SAMD5: variants seen among roughly 807,000 people sequenced by gnomAD.
The protein encoded by SAMD5 is sterile alpha motif domain-containing protein 5.
Under a neutral mutation model 11.3 loss-of-function variants are expected in SAMD5, and 13 were observed. That is an observed-to-expected ratio of 1.15 (90% confidence interval 0.75 to 1.83). SAMD5 has a LOEUF of 1.83. Ranked by LOEUF, SAMD5 falls within the 40% of genes most tolerant of loss-of-function variation. The pLI is 0.00. For missense variants in SAMD5, 255 were observed against 239.1 expected, an observed-to-expected ratio of 1.07 and a Z score of -0.44; for synonymous variants, 129 against 111.3, an observed-to-expected ratio of 1.16 and a Z score of -1.00.
intron 1 of SAMD5, among the ~76,000 whole-genome samples, chr6:147,727,329 TTTCTTATATCCC>T (rs1234083544): frequency 1.3e-5 from 2 of 152,216 alleles, no homozygotes; most frequent in African/African-American, 4.8e-5. Context: ...CCAAGGAGTC[TTTCTTATATCCC>T]TATATGCTCT....
At chr6:147,753,297 G>T in the SAMD5 span, among the ~76,000 whole-genome samples, 1 of 152,070 alleles carries the variant, frequency 6.6e-6, no homozygotes, top group South Asian at 2.1e-4. Flanking sequence ...CATGTCACAG[G>T]CATACATTGA....
chr6:147,949,276 A>G, the SAMD5 span, among the ~76,000 whole-genome samples: 1 of 151,478 alleles, frequency 6.6e-6, no homozygotes, highest in East Asian at 1.9e-4. Flanking sequence ...TGATGGGGGA[A>G]AAAACCCAAG....
chr6:147,776,492 A>G, the SAMD5 span, among the ~76,000 whole-genome samples: 1 of 152,168 alleles, frequency 6.6e-6, no homozygotes, highest in Non-Finnish European at 1.5e-5. Flanking sequence ...TTAAATTAAA[A>G]TGATGGTTTC....
intron 1 of SAMD5, among the ~76,000 whole-genome samples, chr6:147,710,095 C>G (rs959739867): frequency 1.3e-5 from 2 of 152,216 alleles, no homozygotes; most frequent in African/African-American, 4.8e-5. Flanking sequence ...CAGTTGCAGG[C>G]TTTCTCATGC....
the SAMD5 span, among the ~76,000 whole-genome samples, chr6:147,774,882 T>C: frequency 2.0e-5 from 3 of 152,124 alleles, no homozygotes; most frequent in Admixed American, 2.0e-4. Flanking sequence ...CCACCTCCTC[T>C]TCACACACAC....
the SAMD5 span, among the ~76,000 whole-genome samples, chr6:147,801,961 T>G: frequency 6.6e-6 from 1 of 152,148 alleles, no homozygotes. Flanking sequence ...CTATAAAGCT[T>G]CTAGAAGCAA....
At chr6:147,712,547 C>G (rs1389090178) in intron 1 of SAMD5, among the ~76,000 whole-genome samples, 1 of 152,148 alleles carries the variant, frequency 6.6e-6, no homozygotes, top group Non-Finnish European at 1.5e-5. Flanking sequence ...AAGGCCTAAC[C>G]CTCAATGTTC....
chr6:147,777,636 A>G, the SAMD5 span, among the ~76,000 whole-genome samples: 1 of 152,192 alleles, frequency 6.6e-6, no homozygotes, highest in African/African-American at 2.4e-5. Context: ...AAAACTTTTT[A>G]TCACCTAAAA....
intron 1 of SAMD5, among the ~76,000 whole-genome samples, chr6:147,651,938 G>A (rs180770530): frequency 1.7e-4 from 24 of 140,648 alleles, no homozygotes; most frequent in Admixed American, 8.9e-4. Context: ...AGTGGGGGTC[G>A]GAGTCCCACA....
chr6:147,894,848 C>A, the SAMD5 span, among the ~76,000 whole-genome samples: 1 of 152,182 alleles, frequency 6.6e-6, no homozygotes, highest in Non-Finnish European at 1.5e-5. Flanking sequence ...CAGCAAGTGG[C>A]AGAAAAGAAA....
intron 1 of SAMD5, among the ~76,000 whole-genome samples, chr6:147,717,837 C>G (rs1351176604): frequency 6.6e-6 from 1 of 151,440 alleles, no homozygotes; most frequent in African/African-American, 2.4e-5. Context: ...GGTGACAGAG[C>G]AAAACTCTGT....
rs1583143829 is a variant in SAMD5, at chr6:147,697,846, G to T, written c.163-39471G>T. ...GGAACTCAGATAAAACAAATGTAAG[G>T]TTCATAAGACCAGAAGGGTCAGTTT... On this transcript the variant is annotated intron_variant, in intron 1 of 1. Coordinates refer to the SAMD5 transcript ENST00000566741. Among the ~76,000 whole-genome samples, 4 of 152,212 alleles carry T rather than the reference G, an allele frequency of 2.6e-5. 1 individual carries two copies. In the South Asian group the frequency reaches 8.3e-4, roughly 32 times the overall value.
At chr6:147,714,096 G>A (rs1438769802) in intron 1 of SAMD5, among the ~76,000 whole-genome samples, 4 of 152,066 alleles carry the variant, frequency 2.6e-5, no homozygotes, top group Non-Finnish European at 4.4e-5. Context: ...GGGCACCTTC[G>A]CCCACTGAGA....
chr6:147,682,454 C>T (rs183752593), intron 1 of SAMD5, among the ~76,000 whole-genome samples: 1 of 152,106 alleles, frequency 6.6e-6, no homozygotes, highest in Non-Finnish European at 1.5e-5. Flanking sequence ...CTTCTGGTCA[C>T]TACTAATCTC....
intron 1 of SAMD5, among the ~76,000 whole-genome samples, chr6:147,716,290 C>G (rs1277747164): frequency 6.6e-6 from 1 of 152,234 alleles, no homozygotes; most frequent in Non-Finnish European, 1.5e-5. Context: ...TCTGGCTGGG[C>G]TGCAACAGTG....
At chr6:147,736,742 G>A (rs555827328) in intron 1 of SAMD5, among the ~76,000 whole-genome samples, 9 of 152,172 alleles carry the variant, frequency 5.9e-5, no homozygotes, top group South Asian at 2.1e-4. Context: ...ATTCAAAAAC[G>A]AATCTTTAAG....
chr6:147,683,450 C>G (rs3861406), intron 1 of SAMD5, among the ~76,000 whole-genome samples: 17,338 of 151,908 alleles, frequency 0.11, 1,073 homozygotes, highest in Middle Eastern at 0.16. Flanking sequence ...AAATATGTAT[C>G]TATTCATTTG....
At chr6:147,842,036 G>T in the SAMD5 span, among the ~76,000 whole-genome samples, 1 of 152,080 alleles carries the variant, frequency 6.6e-6, no homozygotes, top group Non-Finnish European at 1.5e-5. Flanking sequence ...ACAACCTTGT[G>T]CTCCTAAATG....
intron 1 of SAMD5, among the ~76,000 whole-genome samples, chr6:147,513,943 AG>A (rs1394202494): frequency 6.6e-6 from 1 of 152,218 alleles, no homozygotes. Context: ...GAGTGCAGAC[AG>A]GGATCACCCA....
Sources: allele counts gnomAD v4.1 joint callset (sites outside exome capture counted in the v4.1 genomes callset), GRCh38; gene constraint gnomAD v4.1.1; transcripts MANE v1.5; gene names NCBI Gene and HGNC (gene_info 2026-07-23, HGNC 2026-07-21).